FAT1: variants seen among roughly 807,000 people sequenced by gnomAD.
FAT1 encodes FAT atypical cadherin 1.
In FAT1, 171 loss-of-function variants were observed where a neutral mutation model predicts 329.8. The ratio of observed to expected loss-of-function variants is 0.52; its 90% CI spans 0.46 to 0.59. The LOEUF is 0.59. FAT1 is among the 20% of genes least tolerant of loss of function. The probability of loss-of-function intolerance (pLI) is 0.00; values close to 1 mark genes in which losing one functional copy is unlikely to be tolerated. For missense variants in FAT1, 5,672 were observed against 5,774.4 expected (o/e 0.98, Z 0.57); for synonymous variants, 2,233 against 2,228.6 (o/e 1.00, Z -0.06).
chr4:186,675,505 A>G (rs965131038), intron 2 of FAT1, among the ~76,000 whole-genome samples: 5 of 152,098 alleles, frequency 3.3e-5, no homozygotes, highest in African/African-American at 1.2e-4. Flanking sequence ...CATGCCTGTA[A>G]TTTCTCCACT....
chr4:186,650,987 T>C (rs1224185162), intron 3 of FAT1, among the ~76,000 whole-genome samples: 1 of 151,568 alleles, frequency 6.6e-6, no homozygotes, highest in African/African-American at 2.4e-5. Flanking sequence ...GGCAACACAA[T>C]TGGTCATTAT....
chr4:186,621,340 G>A lies in FAT1; in HGVS notation c.5246C>T (p.Thr1749Ile), dbSNP rs1447629192. Residue 1749 changes from threonine to isoleucine, a missense_variant, in exon 10 of 27, where the codon ACA becomes ATA. Transcript: ENST00000441802. ...GTNMAGLSTN[T>I]TVLVHLQDEN... ...ATCCTGCAAGTGAACTAGAACCGTT[G>A]TATTAGTGGACAAACCAGCCATGTT... The A allele has an allele frequency of 6.2e-7, 1 of 1,613,872 alleles. No individual in the cohort carries two copies. The highest frequency in any genetic ancestry group is 8.5e-7 in the Non-Finnish European group (1 of 1,179,894).
chr4:186,614,119 T>C, intron 12 of FAT1, 72 bp downstream of exon 12: 1 of 1,309,060 alleles, frequency 7.6e-7, no homozygotes, highest in East Asian at 2.7e-5. Context: ...ATTTTGTGTG[T>C]GATCTAAAAT....
Position 186,619,496 on chromosome 4 carries a change from C to T in FAT1, c.7090G>A (p.Asp2364Asn), listed in dbSNP as rs2126506145. 6.2e-7 allele frequency: 1 copy of T among 1,613,966 alleles called. No individual in the cohort carries two copies. The highest frequency in any genetic ancestry group is 8.5e-7 in the Non-Finnish European group (1 of 1,179,882). ...RQHTIFVRAV[D>N]GGMPTLSSDV... ...CTGCTCAGCGTGGGCATACCACCATCAACTGCCCTCACAAAAATCGTGTGC... is the reference window on the plus strand; with the variant it reads ...CTGCTCAGCGTGGGCATACCACCATTAACTGCCCTCACAAAAATCGTGTGC... The change falls in exon 10 of 27, where the codon GAT becomes AAT. Residue 2364 changes from aspartate (D) to asparagine (N), a missense_variant. By Grantham distance (23) the Asp-to-Asn change is conservative (BLOSUM62 1). This residue lies in a region of FAT1 where 3,966 missense variants were observed against 3,915.2 expected (regional missense o/e 1.01). Coordinates refer to ENST00000441802, the MANE Select transcript of FAT1 (RefSeq NM_005245.4).
intron 7 of FAT1, among the ~76,000 whole-genome samples, chr4:186,629,082 T>G (rs1414439000): frequency 6.6e-6 from 1 of 152,182 alleles, no homozygotes; most frequent in Non-Finnish European, 1.5e-5. Flanking sequence ...AGAAGGTATC[T>G]GTAGGTCACT....
intron 3 of FAT1, among the ~76,000 whole-genome samples, chr4:186,641,804 C>CG (rs1741108127): frequency 6.6e-6 from 1 of 151,960 alleles, no homozygotes; most frequent in African/African-American, 2.4e-5. Context: ...CTCAGAGGTT[C>CG]GAGACCAGCC....
intron 11 of FAT1, among the ~76,000 whole-genome samples, chr4:186,615,676 T>G (rs966162422): frequency 6.6e-6 from 1 of 152,040 alleles, no homozygotes; most frequent in Non-Finnish European, 1.5e-5. Flanking sequence ...CTCCCCAAAG[T>G]CCTCTTCTCC....
intron 1 of FAT1, among the ~76,000 whole-genome samples, chr4:186,710,793 G>A (rs115871336): frequency 0.012 from 1,766 of 152,294 alleles, 20 homozygotes; most frequent in Non-Finnish European, 0.016. Context: ...CACGTCAAGG[G>A]TCAAATCAGT....
intron 2 of FAT1, among the ~76,000 whole-genome samples, chr4:186,682,434 G>C (rs1743260297): frequency 6.7e-6 from 1 of 149,656 alleles, no homozygotes; most frequent in East Asian, 2.0e-4. Flanking sequence ...GGCTGAGGCA[G>C]GAGGATTCCT....
rs1373859159 is a variant in FAT1, at chr4:186,621,011, C to A, written c.5575G>T (p.Ala1859Ser). The stretch of plus-strand genomic sequence containing the variant: ...ACTGTTACATTCGCTGCATACTCAG[C>A]AAATAAACGTGGGGTTCCCATGTCA... ...VHDMGTPRLF[A>S]EYAANVTVHV... The change falls in exon 10 of 27, where the codon GCT (alanine) becomes TCT (serine). Residue 1859 changes from alanine (A) to serine (S), a missense_variant. This residue lies in a region of FAT1 where 3,966 missense variants were observed against 3,915.2 expected (regional missense o/e 1.01). Coordinates refer to ENST00000441802, the MANE Select transcript of FAT1 (RefSeq NM_005245.4). 1 of 1,612,584 alleles carries A rather than the reference C, an allele frequency of 6.2e-7. No individual in the cohort carries two copies. The highest frequency in any genetic ancestry group is 1.1e-5 in the South Asian group (1 of 91,050).
chr4:186,642,434 C>G (rs1385062541), intron 3 of FAT1, among the ~76,000 whole-genome samples: 1 of 152,186 alleles, frequency 6.6e-6, no homozygotes, highest in Admixed American at 6.5e-5. Flanking sequence ...TCTCCGTCAT[C>G]CTCAAGAAAC....
At position 186,617,193 on chromosome 4, in the gene FAT1, G is replaced by C. The variant is rs757777938; in HGVS notation, c.8887C>G (p.Pro2963Ala). 8 of 1,584,254 alleles carry C rather than the reference G, an allele frequency of 5.0e-6. No homozygotes were observed. Among genetic ancestry groups the C allele is most frequent in the South Asian group, 2.3e-5 (2 of 85,692 alleles). The change falls in exon 11 of 27, where the codon CCT becomes GCT. Residue 2963 changes from proline to alanine, a missense_variant. This residue lies in a region of FAT1 where 3,966 missense variants were observed against 3,915.2 expected (regional missense o/e 1.01). Transcript: ENST00000441802. Reference sequence around the variant, plus strand: ...GTTTCAACGGCAAACTGTCCTAAAGGATCCCCTCCTATTAAATCAATGGAG... The same window carrying C: ...GTTTCAACGGCAAACTGTCCTAAAGCATCCCCTCCTATTAAATCAATGGAG... ...QVTYFITGGD[P>A]LGQFAVETIQ...
At chr4:186,699,864 A>C (rs964304297) in intron 2 of FAT1, among the ~76,000 whole-genome samples, 3 of 152,218 alleles carry the variant, frequency 2.0e-5, no homozygotes, top group African/African-American at 7.2e-5. Context: ...CTAACACCTA[A>C]AGCTTAAAAT....
intron 2 of FAT1, among the ~76,000 whole-genome samples, chr4:186,673,873 GA>G (rs1742838039): frequency 6.6e-6 from 1 of 152,024 alleles, no homozygotes; most frequent in Admixed American, 6.5e-5. Flanking sequence ...CAGAATCACT[GA>G]TATTGTCAAT....
chr4:186,643,050 C>T (rs912062705), intron 3 of FAT1, among the ~76,000 whole-genome samples: 2 of 152,182 alleles, frequency 1.3e-5, no homozygotes, highest in Non-Finnish European at 2.9e-5. Context: ...TGTAGACTTC[C>T]ACTAACAAAT....
At position 186,617,727 on chromosome 4, in the gene FAT1, T is replaced by C. The variant is rs1023591506; in HGVS notation, c.8859A>G (p.Gln2953=). 1 of 1,576,896 alleles carries C rather than the reference T, an allele frequency of 6.3e-7. No individual in the cohort carries two copies. Among genetic ancestry groups the C allele is most frequent in the Non-Finnish European group, 8.6e-7 (1 of 1,162,512 alleles). Residue 2953 remains glutamine, a synonymous_variant, in exon 10 of 27, where the codon CAA becomes CAG. Coordinates refer to ENST00000441802, the MANE Select transcript of FAT1 (RefSeq NM_005245.4). ...TTTTACCTGTTATGAAATATGTAAC[T>C]TGTCTGTTGATCTCTTCAGAATCAG... ...TDADSEEINR[Q]VTYFITGGDP... is the part of the protein sequence containing the mutation.
At position 186,596,673 on chromosome 4, in the gene FAT1, G is replaced by T. The variant is rs754068090; in HGVS notation, c.12867C>A (p.Pro4289=). 1 of 1,612,358 alleles carries T rather than the reference G, an allele frequency of 6.2e-7. No homozygotes were observed. Among genetic ancestry groups the T allele is most frequent in the Non-Finnish European group, 8.5e-7 (1 of 1,178,860 alleles). The stretch of plus-strand genomic sequence containing the variant: ...CTTTTCGGTGCCCGTGCACAGACTC[G>T]GGGTTAAAAGTGCTGAATTCGGGAT... The part of the protein sequence containing the change: ...PEHPEFSTFN[P]ESVHGHRKAV... Residue 4289 remains proline, a synonymous_variant, in exon 25 of 27, where the codon CCC becomes CCA. Transcript: ENST00000441802. The surrounding 1 kb of genome is among the most constrained non-coding windows in gnomAD (Gnocchi z 4.7).
At position 186,603,641 on chromosome 4, in the gene FAT1, C is replaced by T; in HGVS notation, c.10885G>A (p.Val3629Met). The T allele has an allele frequency of 6.2e-7, 1 of 1,614,022 alleles. No individual in the cohort carries two copies. The highest frequency in any genetic ancestry group is 8.5e-7 in the Non-Finnish European group (1 of 1,179,898). ...TCCTGTGTGACTTGTCTGATATGCA[C>T]TGTGATGTCGGCCACCGTCGTGAAC... The part of the protein sequence containing the change: ...GKFTTVADIT[V>M]HIRQVTQEML... Residue 3629 changes from valine to methionine, a missense_variant, in exon 19 of 27, where the codon GTG becomes ATG. Coordinates refer to ENST00000441802, the MANE Select transcript of FAT1 (RefSeq NM_005245.4).
rs565694583 is a variant in FAT1 at position 186,609,825 on chromosome 4, G to A, written c.10044C>T (p.Ala3348=). 3.8e-5 allele frequency: 62 copies of A among 1,612,780 alleles called. 2 individuals are homozygous for A. The South Asian group carries it at 5.3e-4, about 14-fold the overall frequency. The change falls in exon 15 of 27, where the codon GCC becomes GCT. Residue 3348 remains alanine (A), a synonymous_variant. Coordinates refer to ENST00000441802, the MANE Select transcript of FAT1 (RefSeq NM_005245.4). ...CCGTGATGACAGACTGCTCAAGAACGGCATCTTCACTGATGACTGTCGTGT... is the reference window on the plus strand; with the variant it reads ...CCGTGATGACAGACTGCTCAAGAACAGCATCTTCACTGATGACTGTCGTGT... ...DTYTTVISED[A]VLEQSVITVM... is the part of the protein sequence containing the mutation.
Sources: allele counts gnomAD v4.1 joint callset (sites outside exome capture counted in the v4.1 genomes callset), GRCh38; gene constraint gnomAD v4.1.1; regional missense constraint gnomAD v4.1.1; non-coding constraint Gnocchi (gnomAD v3.1); transcripts MANE v1.5; gene names NCBI Gene and HGNC (gene_info 2026-07-23, HGNC 2026-07-21).